The following CDH12 variants were observed in gnomAD, a reference collection of about 807,000 sequenced individuals.
The protein encoded by CDH12 is cadherin 12, also known as cadherin-12.
A neutral mutation model predicts 74.1 loss-of-function variants in CDH12; 41 were observed. The observed-to-expected ratio is 0.55, with a 90% CI of 0.43 to 0.72. The LOEUF is 0.72. Ranked by LOEUF, CDH12 falls within the 30% of genes least tolerant of loss-of-function variation. CDH12 has a pLI of 0.00. For synonymous variants in CDH12, 399 were observed against 355.0 expected, an observed-to-expected ratio of 1.12 and a Z score of -1.39; for missense variants, 945 against 977.2, an observed-to-expected ratio of 0.97 and a Z score of 0.44.
At chr5:22,443,910 G>A (rs1456769039) in intron 2 of CDH12, among the ~76,000 whole-genome samples, 4 of 151,800 alleles carry the variant, frequency 2.6e-5, no homozygotes, top group Non-Finnish European at 5.9e-5. Flanking sequence ...ATATGTACTT[G>A]CACATGTGTT....
At chr5:21,855,449 T>C (rs1750704221) in intron 6 of CDH12, among the ~76,000 whole-genome samples, 1 of 151,570 alleles carries the variant, frequency 6.6e-6, no homozygotes, top group Non-Finnish European at 1.5e-5. Flanking sequence ...CTAAAAGAAG[T>C]TGAAGGGAGC....
intron 2 of CDH12, among the ~76,000 whole-genome samples, chr5:22,499,323 A>G (rs1363479828): frequency 6.6e-6 from 1 of 152,160 alleles, no homozygotes; most frequent in Non-Finnish European, 1.5e-5. Flanking sequence ...AAAGTGATTT[A>G]TTCTACTTTT....
chr5:22,708,229 G>C (rs559562918), intron 1 of CDH12, among the ~76,000 whole-genome samples: 1 of 152,248 alleles, frequency 6.6e-6, no homozygotes, highest in East Asian at 1.9e-4. Context: ...AGTTCACTCT[G>C]TATTAAGCAC....
chr5:21,882,699 C>T, intron 6 of CDH12: 1 of 1,524,962 alleles, frequency 6.6e-7, no homozygotes, highest in South Asian at 1.1e-5. Flanking sequence ...GATGCCCGAG[C>T]CTTAATGCTT....
intron 1 of CDH12, among the ~76,000 whole-genome samples, chr5:22,535,291 A>T (rs1409788010): frequency 1.3e-5 from 2 of 151,360 alleles, no homozygotes; most frequent in East Asian, 2.0e-4. Flanking sequence ...AGTAGCTGGG[A>T]CTACAGGCGC....
chr5:22,677,596 G>A (rs145209676), intron 1 of CDH12, among the ~76,000 whole-genome samples: 13 of 152,050 alleles, frequency 8.5e-5, no homozygotes, highest in Non-Finnish European at 1.5e-4. Context: ...AATTTTTGAC[G>A]AGACACAAAC....
At chr5:21,885,609 T>C (rs1752588022) in intron 6 of CDH12, among the ~76,000 whole-genome samples, 1 of 152,220 alleles carries the variant, frequency 6.6e-6, no homozygotes, top group Non-Finnish European at 1.5e-5. Context: ...GTTGCACTTG[T>C]GTATTGATTT....
At chr5:21,855,045 G>A (rs949637883) in intron 6 of CDH12, among the ~76,000 whole-genome samples, 7 of 151,638 alleles carry the variant, frequency 4.6e-5, no homozygotes, top group African/African-American at 1.7e-4. Context: ...CGAAATGAAA[G>A]TCATCATGAT....
At chr5:22,458,229 C>T (rs912457869) in intron 2 of CDH12, among the ~76,000 whole-genome samples, 8 of 152,124 alleles carry the variant, frequency 5.3e-5, no homozygotes, top group Non-Finnish European at 1.0e-4. Context: ...TCTTGCTGCT[C>T]CTTGGTTGGT....
At chr5:22,415,355 A>G (rs955752856) in intron 2 of CDH12, among the ~76,000 whole-genome samples, 1 of 152,196 alleles carries the variant, frequency 6.6e-6, no homozygotes, top group African/African-American at 2.4e-5. Context: ...TAAATCTGCA[A>G]AAATGGCCAC....
At chr5:21,814,649 A>G (rs1482621197) in intron 9 of CDH12, among the ~76,000 whole-genome samples, 2 of 150,752 alleles carry the variant, frequency 1.3e-5, no homozygotes, top group Admixed American at 6.6e-5. Flanking sequence ...CAATAATTAA[A>G]TATAAATAAG....
chr5:21,931,828 T>C (rs1409847911), intron 6 of CDH12, among the ~76,000 whole-genome samples: 11 of 152,214 alleles, frequency 7.2e-5, no homozygotes. Context: ...AATTGATTGC[T>C]CTTTTCCTGT....
At chr5:22,699,944 G>A (rs1742622102) in intron 1 of CDH12, among the ~76,000 whole-genome samples, 4 of 152,128 alleles carry the variant, frequency 2.6e-5, no homozygotes, top group Admixed American at 2.6e-4. Context: ...AGAGGCCGAG[G>A]CAGGCAGATT....
intron 3 of CDH12, among the ~76,000 whole-genome samples, chr5:22,260,132 A>T (rs1753456957): frequency 6.6e-6 from 1 of 152,070 alleles, no homozygotes; most frequent in Non-Finnish European, 1.5e-5. Flanking sequence ...CTTTCTAATA[A>T]CCAGAACACA....
chr5:22,341,758 C>T (rs901085499), intron 3 of CDH12, among the ~76,000 whole-genome samples: 5 of 152,048 alleles, frequency 3.3e-5, no homozygotes, highest in South Asian at 4.2e-4. Context: ...CACTGTTAGG[C>T]AACCGTTAGG....
At chr5:22,129,641 T>G (rs1561142044) in intron 4 of CDH12, among the ~76,000 whole-genome samples, 1 of 152,170 alleles carries the variant, frequency 6.6e-6, no homozygotes, top group Non-Finnish European at 1.5e-5. Flanking sequence ...TCCCTGGCCC[T>G]TAGCACACCT....
chr5:21,766,361 G>A (rs1745023264), intron 11 of CDH12, among the ~76,000 whole-genome samples: 4 of 151,850 alleles, frequency 2.6e-5, no homozygotes, highest in Admixed American at 2.0e-4. Context: ...CTTATAAAAG[G>A]TAGATTAATA....
chr5:22,693,183 C>T (rs1394158447), intron 1 of CDH12, among the ~76,000 whole-genome samples: 3 of 152,154 alleles, frequency 2.0e-5, no homozygotes, highest in African/African-American at 7.2e-5. Context: ...TTTGCACTAC[C>T]TCTGAACATG....
intron 1 of CDH12, among the ~76,000 whole-genome samples, chr5:22,800,607 T>C (rs1748461141): frequency 6.6e-6 from 1 of 152,168 alleles, no homozygotes; most frequent in African/African-American, 2.4e-5. Flanking sequence ...TTACATTCTA[T>C]GAGTTTTGAT....
Sources: gnomAD v4.1 joint callset for allele counts (sites outside exome capture counted in the v4.1 genomes callset) on GRCh38, gnomAD v4.1.1 for gene constraint, MANE v1.5 for transcripts, NCBI Gene and HGNC (gene_info 2026-07-23, HGNC 2026-07-21) for gene names.